The following HIPK1 variants were observed in gnomAD, a reference collection of about 807,000 sequenced individuals.
HIPK1 encodes homeodomain interacting protein kinase 1, also known as homeodomain-interacting protein kinase 1.
In HIPK1, 28 loss-of-function variants were observed where a neutral mutation model predicts 117.1. That is an observed-to-expected ratio of 0.24 (90% CI 0.18 to 0.33). HIPK1 has a LOEUF of 0.33. Ranked by LOEUF, HIPK1 falls within the 10% of genes least tolerant of loss-of-function variation. HIPK1 has a pLI of 1.00. For missense variants in HIPK1, 1,122 were observed against 1,475.1 expected, an observed-to-expected ratio of 0.76 and a Z score of 3.92; for synonymous variants, 605 against 562.5, an observed-to-expected ratio of 1.08 and a Z score of -1.07.
rs780848713 is a variant in HIPK1, at chr1:113,973,463, C to T, written c.3584C>T (p.Thr1195Ile). The T allele has an allele frequency of 2.5e-6, 4 of 1,612,336 alleles. No individual in the cohort carries two copies. The highest frequency in any genetic ancestry group is 3.4e-6 in the Non-Finnish European group (4 of 1,178,990). Residue 1195 changes from threonine to isoleucine, a missense_variant, in exon 16 of 16, where the codon ACT (threonine) becomes ATT (isoleucine). Transcript: ENST00000426820. ...IGSSRGSTIYTGYPLSPTKIS... is the reference protein window; with the variant it reads ...IGSSRGSTIYIGYPLSPTKIS... ...TCTTCCCGAGGCTCAACAATTTACA[C>T]TGGATACCCGCTGAGTCCTACCAAG...
intron 14 of HIPK1, among the ~76,000 whole-genome samples, chr1:113,971,353 C>CATT (rs1672811006): frequency 6.6e-6 from 1 of 152,194 alleles, no homozygotes; most frequent in African/African-American, 2.4e-5. Context: ...ATTCAGCTGT[C>CATT]CTGTAATTTC....
intron 2 of HIPK1, among the ~76,000 whole-genome samples, chr1:113,949,298 A>T (rs1408666019): frequency 6.6e-6 from 1 of 152,114 alleles, no homozygotes; most frequent in Non-Finnish European, 1.5e-5. Context: ...CCCAGTTTTT[A>T]TTTTGGCTCA....
intron 1 of HIPK1, among the ~76,000 whole-genome samples, chr1:113,932,462 TG>T (rs1669963478): frequency 6.7e-6 from 1 of 148,804 alleles, no homozygotes; most frequent in Non-Finnish European, 1.5e-5. Context: ...AGTGCAGTGG[TG>T]GGTTCAAGTG....
chr1:113,956,542 A>T (rs923109322), intron 5 of HIPK1, 85 bp from the exon 6 acceptor site: 9 of 887,988 alleles, frequency 1.0e-5, no homozygotes, highest in Non-Finnish European at 1.6e-5. Flanking sequence ...ATATACACAC[A>T]CACATAGTTT....
intron 2 of HIPK1, among the ~76,000 whole-genome samples, chr1:113,944,510 A>T (rs1157656976): frequency 8.7e-6 from 1 of 115,120 alleles, no homozygotes; most frequent in Admixed American, 9.3e-5. Flanking sequence ...TTTGAGATGG[A>T]GTCTTGCTCT....
chr1:113,966,040 A>G, intron 10 of HIPK1, 90 bp from the exon 11 acceptor site: 2 of 1,311,082 alleles, frequency 1.5e-6, no homozygotes, highest in East Asian at 4.7e-5. Context: ...AACTTCTTTT[A>G]AGATATGAAT....
At chr1:113,946,859 T>TA (rs1359083960) in intron 2 of HIPK1, among the ~76,000 whole-genome samples, 1 of 152,212 alleles carries the variant, frequency 6.6e-6, no homozygotes, top group Non-Finnish European at 1.5e-5. Flanking sequence ...GTCACAGTAA[T>TA]ACTTGATAAT....
At position 113,971,915 on chromosome 1, in the gene HIPK1, C is replaced by T. The variant is rs757855098; in HGVS notation, c.3105C>T (p.Arg1035=). The T allele has an allele frequency of 2.4e-5, 38 of 1,607,952 alleles. No individual in the cohort carries two copies. Among genetic ancestry groups the T allele is most frequent in the Admixed American group, 5.1e-5 (3 of 58,656 alleles). Residue 1035 remains arginine, a synonymous_variant, in exon 15 of 16, where the codon CGC becomes CGT. Coordinates refer to ENST00000426820, the MANE Select transcript of HIPK1 (RefSeq NM_198268.3). ...CITPTGYRAQ[R]GGTSAAQPLN... ...CCCCCACAGGGTATCGAGCTCAACG[C>T]GGGGGGACCAGTGCAGCACAACCAC...
chr1:113,929,539 G>A lies in HIPK1; in HGVS notation c.-3+7G>A. Reference sequence around the variant, plus strand: ...CAGCTGCACTTCCGCCTCAGTAGGTGTCATGGCGCGGGGCGGGTGAATAGT... The same window carrying A: ...CAGCTGCACTTCCGCCTCAGTAGGTATCATGGCGCGGGGCGGGTGAATAGT... On this transcript the variant is annotated splice_region_variant and intron_variant, in intron 1 of 15. Coordinates refer to ENST00000426820, the MANE Select transcript of HIPK1 (RefSeq NM_198268.3). 2 of 1,286,130 alleles carry A rather than the reference G, an allele frequency of 1.6e-6. No homozygotes were observed. The highest frequency in any genetic ancestry group is 1.0e-6 in the Non-Finnish European group (1 of 986,366). 79.7% of individuals were successfully genotyped at this position (1,286,130 alleles called of 1,614,324 possible). A position where few individuals can be genotyped will look rare whatever the true frequency, so the allele number is the denominator to read the frequency against.
intron 12 of HIPK1, 51 bp from the exon 13 acceptor site, chr1:113,968,391 A>G (rs1003983609): frequency 1.3e-5 from 17 of 1,341,652 alleles, no homozygotes; most frequent in East Asian, 2.3e-5. Flanking sequence ...AAGATACACA[A>G]TTTGGAAGGC....
In HIPK1 at chr1:113,973,593, C is replaced by T. The variant is rs970049990; in HGVS notation, c.*81C>T. 6.9e-7 allele frequency: 1 copy of T among 1,458,066 alleles called. No individual in the cohort carries two copies. Among genetic ancestry groups the T allele is most frequent in the African/African-American group, 1.4e-5 (1 of 70,402 alleles). 90.3% of individuals were successfully genotyped at this position (1,458,066 alleles called of 1,614,324 possible). A position where few individuals can be genotyped will look rare whatever the true frequency, so the allele number is the denominator to read the frequency against. Reference sequence around the variant, plus strand: ...TAATATTGGGCTATGGAGAGATCCTCCTTTACCCTCTTGAAATTTCTTAGC... The same window carrying T: ...TAATATTGGGCTATGGAGAGATCCTTCTTTACCCTCTTGAAATTTCTTAGC... On this transcript the variant is annotated 3_prime_UTR_variant, in exon 16 of 16. Coordinates refer to ENST00000426820, the MANE Select transcript of HIPK1 (RefSeq NM_198268.3).
chr1:113,932,160 T>C (rs936594465), intron 1 of HIPK1: 1 of 152,172 alleles, frequency 6.6e-6, no homozygotes, highest in Non-Finnish European at 1.5e-5. Flanking sequence ...ACATCCTGTT[T>C]TCATATTTTT....
intron 2 of HIPK1, among the ~76,000 whole-genome samples, chr1:113,944,470 AGTTTTTTTTT>A (rs1470989814): frequency 3.5e-5 from 5 of 144,366 alleles, no homozygotes; most frequent in Admixed American, 6.9e-5. Flanking sequence ...GGCCAATAAT[AGTTTTTTTTT>A]GTTTTTTTTT....
At position 113,973,623 on chromosome 1, in the gene HIPK1, A is replaced by G. The variant is rs1194640331; in HGVS notation, c.*111A>G. On this transcript the variant is annotated 3_prime_UTR_variant, in exon 16 of 16. Transcript: ENST00000426820. ...ACCCTCTTGAAATTTCTTAGCCAGC[A>G]ACTTGTTCTGCAGGGGCCCACTGAA... The G allele has an allele frequency of 7.6e-7, 1 of 1,319,286 alleles. No homozygotes were observed. The highest frequency in any genetic ancestry group is 1.0e-6 in the Non-Finnish European group (1 of 981,990). The allele number at this position is 1,319,286 out of a possible 1,614,324, so 81.7% of individuals were successfully genotyped here. A position where few individuals can be genotyped will look rare whatever the true frequency, so the allele number is the denominator to read the frequency against.
intron 10 of HIPK1, among the ~76,000 whole-genome samples, chr1:113,965,444 A>G (rs1052559011): frequency 3.3e-5 from 5 of 152,228 alleles, no homozygotes; most frequent in Admixed American, 6.5e-5. Context: ...TGCAAATGAT[A>G]CATAAAAACA....
At chr1:113,938,928 ATACAC>A (rs1670443299) in intron 1 of HIPK1, among the ~76,000 whole-genome samples, 2 of 11,878 alleles carry the variant, frequency 1.7e-4, no homozygotes, top group African/African-American at 7.3e-4. Context: ...AAAAAAAAAA[ATACAC>A]ACACACACAC....
chr1:113,929,736 G>C, intron 1 of HIPK1: 1 of 870,936 alleles, frequency 1.1e-6, no homozygotes, highest in Non-Finnish European at 1.4e-6. Context: ...CGGCGGGAAG[G>C]GGCTGGGTGG....
intron 11 of HIPK1, among the ~76,000 whole-genome samples, chr1:113,966,836 CTTTT>C (rs78432266): frequency 1.4e-5 from 2 of 139,258 alleles, no homozygotes. Context: ...AGTTCTTATT[CTTTT>C]TTTTTTTTTT....
intron 2 of HIPK1, among the ~76,000 whole-genome samples, chr1:113,944,487 T>G (rs1670861183): frequency 6.6e-6 from 1 of 150,598 alleles, no homozygotes; most frequent in African/African-American, 2.4e-5. Context: ...TTTTGTTTTT[T>G]TTTTGTTTTT....
Sources: gnomAD v4.1 joint callset for allele counts (sites outside exome capture counted in the v4.1 genomes callset) on GRCh38, gnomAD v4.1.1 for gene constraint, MANE v1.5 for transcripts, NCBI Gene and HGNC (gene_info 2026-07-23, HGNC 2026-07-21) for gene names.